Variants in KIAA0513 observed in about 807,000 individuals in gnomAD.
KIAA0513 encodes the protein uncharacterized protein KIAA0513.
Under a neutral mutation model 56.5 loss-of-function variants are expected in KIAA0513, and 39 were observed. That is an observed-to-expected ratio of 0.69 (90% CI 0.53 to 0.90). The LOEUF is 0.90. Ranked by LOEUF, KIAA0513 falls within the 40% of genes least tolerant of loss-of-function variation. KIAA0513 has a pLI of 0.00. For missense variants in KIAA0513, 591 were observed against 535.2 expected (o/e 1.10, Z -1.03); for synonymous variants, 268 against 215.6 (o/e 1.24, Z -2.13).
chr16:85,088,391 G>A lies in KIAA0513; in HGVS notation c.*66G>A. The A allele has an allele frequency of 7.0e-7, 1 of 1,422,262 alleles. No individual in the cohort carries two copies. The highest frequency in any genetic ancestry group is 1.4e-5 in the African/African-American group (1 of 71,506). The allele number at this position is 1,422,262 out of a possible 1,614,324, so 88.1% of individuals were successfully genotyped here. On this transcript the variant is annotated 3_prime_UTR_variant, in exon 13 of 13. Coordinates refer to ENST00000683363, the MANE Select transcript of KIAA0513 (RefSeq NM_001388359.1). ...GCCATTCTCCCGGGCCCAGCGCCCG[G>A]CCGTCACCCCACCCGATGACCTGCA...
intron 1 of KIAA0513, among the ~76,000 whole-genome samples, chr16:85,065,742 C>T (rs907624984): frequency 3.3e-5 from 5 of 152,200 alleles, no homozygotes; most frequent in Non-Finnish European, 5.9e-5. Flanking sequence ...GAGGTGTGCT[C>T]TGCTCTGAGG....
rs111577516 is a variant in KIAA0513 at position 85,056,106 on chromosome 16, C to A, written c.-172-10794C>A. On this transcript the variant is annotated intron_variant, in intron 1 of 12. Coordinates refer to ENST00000683363, the MANE Select transcript of KIAA0513 (RefSeq NM_001388359.1). ...GCCACAGCCAGCAGTTTCTCCTGTC[C>A]ATGTGAGAAGCACGTGCCAGCAGGC... Among the ~76,000 whole-genome samples the A allele has an allele frequency of 4.3e-3, 648 of 152,338 alleles. 7 individuals are homozygous for A. Among genetic ancestry groups the A allele is most frequent in the African/African-American group, 0.015 (616 of 41,574 alleles).
At chr16:85,086,998 G>C in intron 11 of KIAA0513, 74 bp from the exon 12 acceptor site, 1 of 1,427,624 alleles carries the variant, frequency 7.0e-7, no homozygotes, top group East Asian at 2.3e-5. Flanking sequence ...GGGCGTCCCA[G>C]AGACAAGGGC....
intron 1 of KIAA0513, among the ~76,000 whole-genome samples, chr16:85,029,248 G>T (rs139899262): frequency 6.6e-5 from 10 of 152,274 alleles, no homozygotes; most frequent in East Asian, 1.9e-4. Context: ...TGAAGATGGC[G>T]TGGGACTCAC....
chr16:85,029,231 A>G (rs991379997), intron 1 of KIAA0513, among the ~76,000 whole-genome samples: 5 of 152,182 alleles, frequency 3.3e-5, no homozygotes, highest in African/African-American at 1.2e-4. Context: ...TTTTTCCATT[A>G]AAGAGATGAA....
chr16:85,066,421 G>C (rs563943855), intron 1 of KIAA0513, among the ~76,000 whole-genome samples: 1 of 152,302 alleles, frequency 6.6e-6, no homozygotes, highest in East Asian at 1.9e-4. Context: ...ATAGACCTGT[G>C]ACAGTCCGGG....
chr16:85,078,433 C>G lies in KIAA0513; in HGVS notation c.801C>G (p.Pro267=). The G allele has an allele frequency of 6.2e-7, 1 of 1,613,920 alleles. No homozygotes were observed. The change falls in exon 7 of 13, where the codon CCC becomes CCG. Residue 267 remains proline (P), a synonymous_variant. Transcript: ENST00000683363. ...CCCTCAGGGAAGACGAGAACAAACC[C>G]CAGGAGAAGCGGCCCAGGGCTGGTG... ...ARRNEEDENK[P]QEKRPRAVTA...
At chr16:85,037,217 G>C (rs2073047160) in intron 1 of KIAA0513, among the ~76,000 whole-genome samples, 1 of 151,998 alleles carries the variant, frequency 6.6e-6, no homozygotes, top group Non-Finnish European at 1.5e-5. Flanking sequence ...ATCACAGCCA[G>C]GCGTGACTCA....
At chr16:85,040,781 A>C (rs1460364191) in intron 1 of KIAA0513, among the ~76,000 whole-genome samples, 1 of 152,210 alleles carries the variant, frequency 6.6e-6, no homozygotes, top group African/African-American at 2.4e-5. Flanking sequence ...AATTGGCTCC[A>C]CTTGTAAACT....
In KIAA0513 at chr16:85,071,768, T is replaced by A. The variant is rs1400956759; in HGVS notation, c.330-15T>A. Reference sequence around the variant, plus strand: ...TTTTTTTTTTTTTTCCTCTGCTCTTTTTTTTTTTTTTTAGGGAGGACTTGG... The same window carrying A: ...TTTTTTTTTTTTTTCCTCTGCTCTTATTTTTTTTTTTTAGGGAGGACTTGG... On this transcript the variant is annotated splice_polypyrimidine_tract_variant and intron_variant, in intron 2 of 12. Coordinates refer to ENST00000683363, the MANE Select transcript of KIAA0513 (RefSeq NM_001388359.1). The A allele has an allele frequency of 4.1e-6, 6 of 1,460,116 alleles. No individual in the cohort carries two copies. In the East Asian group the frequency reaches 1.5e-4, roughly 35 times the overall value. 90.4% of individuals were successfully genotyped at this position (1,460,116 alleles called of 1,614,324 possible).
intron 12 of KIAA0513, 29 bp from the exon 13 acceptor site, chr16:85,088,247 C>G: frequency 6.2e-7 from 1 of 1,606,372 alleles, no homozygotes; most frequent in Non-Finnish European, 8.5e-7. Flanking sequence ...TGTCTTTCAT[C>G]TGAGAAATAA....
chr16:85,061,900 C>T (rs563980515), intron 1 of KIAA0513, among the ~76,000 whole-genome samples: 131 of 152,290 alleles, frequency 8.6e-4, no homozygotes, highest in Admixed American at 2.4e-3. Flanking sequence ...TTCCCATGAG[C>T]GGTGGCTCCC....
chr16:85,046,613 A>G (rs2073174764), intron 1 of KIAA0513, among the ~76,000 whole-genome samples: 1 of 152,142 alleles, frequency 6.6e-6, no homozygotes, highest in Non-Finnish European at 1.5e-5. Flanking sequence ...CTGGTGATAC[A>G]CACTGAGAGG....
chr16:85,075,391 C>G (rs1424174028), intron 4 of KIAA0513, among the ~76,000 whole-genome samples: 3 of 152,220 alleles, frequency 2.0e-5, no homozygotes, highest in Admixed American at 1.3e-4. Context: ...AGAGGCTCCA[C>G]CTCCTGACAC....
rs1382787996 is a variant in KIAA0513, at chr16:85,066,958, T to TGGCA, written c.-113_-110dup. The TGGCA allele has an allele frequency of 2.3e-6, 2 of 852,212 alleles. No homozygotes were observed. Among genetic ancestry groups the TGGCA allele is most frequent in the Non-Finnish European group, 3.6e-6 (2 of 562,804 alleles). The allele number at this position is 852,212 out of a possible 1,614,324, so 52.8% of individuals were successfully genotyped here. On this transcript the variant is annotated 5_prime_UTR_variant, in exon 2 of 13. Coordinates refer to ENST00000683363, the MANE Select transcript of KIAA0513 (RefSeq NM_001388359.1). Reference sequence around the variant, plus strand: ...CTCATTCTTGGTAGCCGGCAGTTACTGGCAACTTGTGAGCTTGGTGGGCTC... The same window carrying TGGCA: ...CTCATTCTTGGTAGCCGGCAGTTACTGGCAGGCAACTTGTGAGCTTGGTGGGCTC...
At chr16:85,064,595 AGTATG>A (rs2073452226) in intron 1 of KIAA0513, among the ~76,000 whole-genome samples, 1 of 152,238 alleles carries the variant, frequency 6.6e-6, no homozygotes. Context: ...CTAATTTAGA[AGTATG>A]GGATGGTACC....
intron 1 of KIAA0513, among the ~76,000 whole-genome samples, chr16:85,042,546 CT>C (rs1427215837): frequency 6.6e-6 from 1 of 152,148 alleles, no homozygotes; most frequent in African/African-American, 2.4e-5. Context: ...CTGTTTAACC[CT>C]TTTAAGCCTT....
rs1363489699 is a variant in KIAA0513, at chr16:85,082,612, CTT to C, written c.1010+21_1010+22del. On this transcript the variant is annotated intron_variant, in intron 10 of 12. Transcript: ENST00000683363. ...AGAAGAGGTGTGTGTGTCCACGTGA[CTT>C]TGTTCCATTTTACAGTGCGGGCTCC... 5.6e-6 allele frequency: 9 copies of C among 1,613,942 alleles called. No homozygotes were observed. The highest frequency in any genetic ancestry group is 2.7e-5 in the African/African-American group (2 of 75,040).
intron 10 of KIAA0513, among the ~76,000 whole-genome samples, chr16:85,082,917 G>A (rs2073764063): frequency 1.3e-5 from 2 of 152,256 alleles, no homozygotes; most frequent in Admixed American, 6.5e-5. Flanking sequence ...CGGGGAAAGC[G>A]GGCTCCAGTT....
Sources: allele counts gnomAD v4.1 joint callset (sites outside exome capture counted in the v4.1 genomes callset), GRCh38; gene constraint gnomAD v4.1.1; transcripts MANE v1.5; gene names NCBI Gene and HGNC (gene_info 2026-07-23, HGNC 2026-07-21).